RELB: variants seen among roughly 807,000 people sequenced by gnomAD.
RELB encodes the protein RELB proto-oncogene, NF-kB subunit, also known as transcription factor RelB.
In RELB, 14 loss-of-function variants were observed where a neutral mutation model predicts 55.4. That is an observed-to-expected ratio of 0.25 (90% confidence interval 0.17 to 0.40). The LOEUF is 0.40. Among genes scored for constraint, RELB ranks in the 10% least tolerant of loss-of-function variants. The pLI, the probability that RELB is intolerant of heterozygous loss-of-function variation, is 1.00. For synonymous variants in RELB, 409 were observed against 371.3 expected, an observed-to-expected ratio of 1.10 and a Z score of -1.17; for missense variants, 669 against 830.7, an observed-to-expected ratio of 0.81 and a Z score of 2.39.
intron 8 of RELB, among the ~76,000 whole-genome samples, chr19:45,031,296 T>A (rs115703414): frequency 6.8e-4 from 103 of 152,128 alleles, no homozygotes; most frequent in African/African-American, 2.4e-3. Context: ...GCTAATTTTT[T>A]AATTTTCTTG....
At position 45,037,596 on chromosome 19, in the gene RELB, G is replaced by A. The variant is rs368629270; in HGVS notation, c.1546G>A (p.Val516Met). 37 of 1,608,796 alleles carry A rather than the reference G, an allele frequency of 2.3e-5. No individual in the cohort carries two copies. In the African/African-American group the frequency reaches 4.7e-4, roughly 20 times the overall value. Residue 516 changes from valine (V) to methionine (M), a missense_variant, in exon 12 of 12, where the codon GTG becomes ATG. Around this residue, in one of 3 missense-constraint regions of RELB, gnomAD observed 341 missense variants for 436.8 expected, o/e 0.78. Coordinates refer to ENST00000221452, the MANE Select transcript of RELB (RefSeq NM_006509.4). ...PPAPPHASAV[V>M]CSGGAGAVVG... ...GGCACCGCCACACGCTAGCGCTGTT[G>A]TGTGCAGCGGAGGTGCCGGGGCCGT...
Position 45,038,142 on chromosome 19 carries a change from G to A in RELB, c.*352G>A, listed in dbSNP as rs1210902119. On this transcript the variant is annotated 3_prime_UTR_variant, in exon 12 of 12. Coordinates refer to ENST00000221452, the MANE Select transcript of RELB (RefSeq NM_006509.4). ...CCTCCCTCCCCAGACTTGAAGGTGGGGGGTAGGTTGGTTGTTCAGAGTCTT... is the reference window on the plus strand; with the variant it reads ...CCTCCCTCCCCAGACTTGAAGGTGGAGGGTAGGTTGGTTGTTCAGAGTCTT... The A allele has an allele frequency of 3.1e-5, 7 of 227,386 alleles. No homozygotes were observed. The highest frequency in any genetic ancestry group is 1.7e-4 in the South Asian group (1 of 6,022). The allele number at this position is 227,386 out of a possible 1,614,324, so 14.1% of individuals were successfully genotyped here.
chr19:45,027,590 A>ATGCAC (rs1971573633), intron 7 of RELB, among the ~76,000 whole-genome samples: 1 of 152,050 alleles, frequency 6.6e-6, no homozygotes, highest in African/African-American at 2.4e-5. Flanking sequence ...GGCCAGAGGG[A>ATGCAC]TGCACTGCTC....
intron 4 of RELB, among the ~76,000 whole-genome samples, chr19:45,017,474 A>T (rs1971434513): frequency 1.4e-5 from 2 of 147,168 alleles, no homozygotes; most frequent in Admixed American, 6.8e-5. Flanking sequence ...CAATTCTGGA[A>T]ATCCGAAATA....
chr19:45,032,344 G>T (rs879779288), intron 8 of RELB, 190 bp from the exon 9 acceptor site: 18 of 532,570 alleles, frequency 3.4e-5, no homozygotes, highest in Non-Finnish European at 5.8e-5. Flanking sequence ...GCTTGAACCC[G>T]GGAGGCAGAG....
At chr19:45,018,137 G>T (rs998962851) in intron 4 of RELB, among the ~76,000 whole-genome samples, 1 of 151,922 alleles carries the variant, frequency 6.6e-6, no homozygotes, top group Non-Finnish European at 1.5e-5. Context: ...GAGCGTGGTG[G>T]CTCAGGCCTG....
intron 1 of RELB, 72 bp downstream of exon 1, chr19:45,001,757 A>C (rs1419668397): frequency 9.6e-7 from 1 of 1,042,358 alleles, no homozygotes; most frequent in African/African-American, 1.7e-5. Flanking sequence ...GCGGTCCCGG[A>C]GTAGTCTGGG....
intron 3 of RELB, 139 bp downstream of exon 3, chr19:45,009,961 G>C: frequency 4.5e-6 from 4 of 887,496 alleles, no homozygotes; most frequent in Non-Finnish European, 7.1e-6. Context: ...GGATTTGAAC[G>C]AAGTCATGCT....
rs117737527 is a variant in RELB at position 45,010,828 on chromosome 19, C to A, written c.163+1006C>A. Among the ~76,000 whole-genome samples, 82 of 150,324 alleles carry A rather than the reference C, an allele frequency of 5.5e-4. No individual in the cohort carries two copies. In the East Asian group the frequency reaches 0.013, roughly 23 times the overall value. ...GAGTAGCTGGGAGTACAGGCATGCA[C>A]CAACATACCTGGCTCATTTTTGTAT... On this transcript the variant is annotated intron_variant, in intron 3 of 11. Coordinates refer to ENST00000221452, the MANE Select transcript of RELB (RefSeq NM_006509.4).
chr19:45,008,631 G>C (rs1300277603), intron 2 of RELB: 2 of 432,864 alleles, frequency 4.6e-6, no homozygotes, highest in Non-Finnish European at 9.4e-6. Flanking sequence ...GAGATAAGGG[G>C]TGCAGGAAAA....
intron 8 of RELB, among the ~76,000 whole-genome samples, chr19:45,029,234 A>T (rs1422584767): frequency 6.6e-6 from 1 of 152,220 alleles, no homozygotes; most frequent in African/African-American, 2.4e-5. Flanking sequence ...CCATGCTGCA[A>T]GCTAGGCGGT....
chr19:45,004,057 G>T (rs933573498), intron 2 of RELB, among the ~76,000 whole-genome samples: 5 of 150,416 alleles, frequency 3.3e-5, no homozygotes, highest in Non-Finnish European at 5.9e-5. Flanking sequence ...TGAGTAGCTG[G>T]GATTACAGGC....
At chr19:45,007,882 C>T (rs2376868) in intron 2 of RELB, among the ~76,000 whole-genome samples, 2 of 147,130 alleles carry the variant, frequency 1.4e-5, no homozygotes, top group South Asian at 2.2e-4. Flanking sequence ...ATAGGCTGGG[C>T]GTGGTGGCTC....
rs745371307 is a variant in RELB at position 45,037,742 on chromosome 19, G to A, written c.1692G>A (p.Glu564=). The A allele has an allele frequency of 6.7e-7, 1 of 1,491,344 alleles. No individual in the cohort carries two copies. The highest frequency in any genetic ancestry group is 1.4e-5 in the South Asian group (1 of 74,050). The allele number at this position is 1,491,344 out of a possible 1,614,324, so 92.4% of individuals were successfully genotyped here. Residue 564 remains glutamate, a synonymous_variant, in exon 12 of 12, where the codon GAG becomes GAA. Coordinates refer to ENST00000221452, the MANE Select transcript of RELB (RefSeq NM_006509.4). ...GSNMFPNHYR[E]AAFGGGLLSP... ...ACATGTTCCCCAATCATTACCGCGAGGCGGCCTTTGGGGGCGGCCTCCTAT... is the reference window on the plus strand; with the variant it reads ...ACATGTTCCCCAATCATTACCGCGAAGCGGCCTTTGGGGGCGGCCTCCTAT...
chr19:45,011,753 ACT>A (rs1299784492), intron 3 of RELB, among the ~76,000 whole-genome samples, 181 bp from the exon 4 acceptor site: 87 of 44,082 alleles, frequency 2.0e-3, no homozygotes, highest in African/African-American at 6.3e-3. Context: ...GGCCTCCCTG[ACT>A]CTGTGTGTGT....
At chr19:45,003,911 TTGTG>T (rs1441907062) in intron 2 of RELB, among the ~76,000 whole-genome samples, 17 of 123,996 alleles carry the variant, frequency 1.4e-4, no homozygotes, top group African/African-American at 5.6e-4. Flanking sequence ...TGTCTGTTTT[TTGTG>T]TTTTTTTTTT....
chr19:45,002,663 T>A (rs1463289315), intron 1 of RELB, among the ~76,000 whole-genome samples: 1 of 152,102 alleles, frequency 6.6e-6, no homozygotes, highest in African/African-American at 2.4e-5. Flanking sequence ...GGATGGGGAC[T>A]TTTTAAACTG....
intron 3 of RELB, 73 bp downstream of exon 3, chr19:45,009,895 C>CT (rs1245027658): frequency 1.1e-5 from 14 of 1,327,806 alleles, no homozygotes; most frequent in Admixed American, 2.0e-5. Flanking sequence ...CTTGGCCTTC[C>CT]TTGTTCAGTG....
chr19:45,027,343 T>C (rs1291772546), intron 7 of RELB, among the ~76,000 whole-genome samples: 1 of 152,116 alleles, frequency 6.6e-6, no homozygotes, highest in Non-Finnish European at 1.5e-5. Context: ...GCATAGTGCT[T>C]CAGGTCTGGC....
Sources: gnomAD v4.1 joint callset for allele counts (sites outside exome capture counted in the v4.1 genomes callset) on GRCh38, gnomAD v4.1.1 for gene constraint, gnomAD v4.1.1 regional missense constraint, MANE v1.5 for transcripts, NCBI Gene and HGNC (gene_info 2026-07-23, HGNC 2026-07-21) for gene names.